SUSD1: variants seen among roughly 807,000 people sequenced by gnomAD.
SUSD1 encodes the protein sushi domain containing 1.
A neutral mutation model predicts 86.9 loss-of-function variants in SUSD1; 65 were observed. The ratio of observed to expected loss-of-function variants is 0.75; its 90% CI spans 0.61 to 0.92. SUSD1 has a LOEUF of 0.92. Ranked by LOEUF, SUSD1 falls within the 40% of genes least tolerant of loss-of-function variation. The pLI is 0.00. For missense variants in SUSD1, 850 were observed against 929.7 expected, an observed-to-expected ratio of 0.91 and a Z score of 1.11; for synonymous variants, 346 against 350.0, an observed-to-expected ratio of 0.99 and a Z score of 0.13.
At chr9:112,049,241 G>A (rs1828086118) in intron 15 of SUSD1, among the ~76,000 whole-genome samples, 4 of 152,108 alleles carry the variant, frequency 2.6e-5, no homozygotes, top group African/African-American at 7.2e-5. Context: ...GAGTAGTCCC[G>A]AATAACTCAG....
At chr9:112,052,177 T>A (rs1828242228) in intron 15 of SUSD1, 1 of 1,475,630 alleles carries the variant, frequency 6.8e-7, no homozygotes, top group Admixed American at 2.4e-5. Flanking sequence ...CCAGTCCCAG[T>A]TCCTGGAGCC....
At chr9:112,077,096 G>A (rs1829550157) in intron 12 of SUSD1, among the ~76,000 whole-genome samples, 1 of 152,142 alleles carries the variant, frequency 6.6e-6, no homozygotes, top group African/African-American at 2.4e-5. Context: ...AAGAAGGTCT[G>A]CTCATTTTTT....
At chr9:112,062,725 A>T (rs78777090) in intron 13 of SUSD1, among the ~76,000 whole-genome samples, 6,875 of 152,110 alleles carry the variant, frequency 0.045, 234 homozygotes, top group Admixed American at 0.089. Flanking sequence ...TTTAAATTTT[A>T]AAAAAAAGAA....
intron 4 of SUSD1, 127 bp downstream of exon 4, chr9:112,143,344 G>T: frequency 1.0e-6 from 1 of 963,184 alleles, no homozygotes; most frequent in Non-Finnish European, 1.5e-6. Flanking sequence ...TTATGTCATA[G>T]GTTGTACAAA....
At chr9:112,055,692 A>G (rs569849082) in intron 14 of SUSD1, among the ~76,000 whole-genome samples, 1 of 152,364 alleles carries the variant, frequency 6.6e-6, no homozygotes, top group Admixed American at 6.5e-5. Flanking sequence ...GGGCTGAAAC[A>G]GATATTTGCA....
chr9:112,096,330 C>T (rs1326594809), intron 10 of SUSD1, among the ~76,000 whole-genome samples: 2 of 152,130 alleles, frequency 1.3e-5, no homozygotes, highest in African/African-American at 4.8e-5. Flanking sequence ...TATGTGCCTG[C>T]CTCAAAACCT....
intron 5 of SUSD1, among the ~76,000 whole-genome samples, chr9:112,135,269 A>G (rs555596346): frequency 1.3e-3 from 193 of 152,280 alleles, no homozygotes; most frequent in South Asian, 4.8e-3. Context: ...TCTTCCATGA[A>G]CTTTATTTAG....
At chr9:112,108,056 T>C (rs1012448076) in intron 8 of SUSD1, among the ~76,000 whole-genome samples, 2 of 152,064 alleles carry the variant, frequency 1.3e-5, no homozygotes, top group Non-Finnish European at 1.5e-5. Flanking sequence ...GTAATAAAAC[T>C]AGAAAACAAC....
rs201097518 is a variant in SUSD1, at chr9:112,141,813, TATATA to T, written c.706+502_706+506del. On this transcript the variant is annotated intron_variant, in intron 5 of 16. Coordinates refer to ENST00000374270, the MANE Select transcript of SUSD1 (RefSeq NM_022486.5). ...CATATATTGTATATATTGTATATTA[TATATA>T]ATATATGTTATTCCCACATGACGTT... Among the ~76,000 whole-genome samples the T allele has an allele frequency of 5.4e-3, 781 of 144,146 alleles. 8 individuals carry two copies. The highest frequency in any genetic ancestry group is 0.018 in the African/African-American group (733 of 39,686). The allele number at this position is 144,146 out of a possible 152,430, so 94.6% of individuals were successfully genotyped here. A position where few individuals can be genotyped will look rare whatever the true frequency, so the allele number is the denominator to read the frequency against.
chr9:112,104,369 A>G (rs911006331), intron 8 of SUSD1, among the ~76,000 whole-genome samples: 8 of 151,946 alleles, frequency 5.3e-5, no homozygotes, highest in Non-Finnish European at 1.0e-4. Flanking sequence ...AAAAAATAGT[A>G]TATATACTAC....
At position 112,058,465 on chromosome 9, in the gene SUSD1, T is replaced by A. The variant is rs202038520; in HGVS notation, c.2072A>T (p.Tyr691Phe). The A allele has an allele frequency of 9.9e-6, 16 of 1,614,050 alleles. No individual in the cohort carries two copies. The highest frequency in any genetic ancestry group is 1.4e-5 in the Non-Finnish European group (16 of 1,180,016). ...YNAPLKRGSDYCIILRITSEW... is the reference protein window; with the variant it reads ...YNAPLKRGSDFCIILRITSEW... The stretch of plus-strand genomic sequence containing the variant: ...ACTTGTGATTCGTAATATAATGCAG[T>A]AATCACTCCCTCTTTTCAAGGGTGC... Residue 691 changes from tyrosine (Y) to phenylalanine (F), a missense_variant, in exon 14 of 17, where the codon TAC becomes TTC. Transcript: ENST00000374270.
intron 1 of SUSD1, among the ~76,000 whole-genome samples, chr9:112,171,003 G>A (rs577039524): frequency 1.3e-5 from 2 of 152,192 alleles, no homozygotes; most frequent in South Asian, 2.1e-4. Context: ...GTGAGCCACC[G>A]CACCCAGCCC....
chr9:112,061,782 C>T (rs1240367425), intron 13 of SUSD1, among the ~76,000 whole-genome samples: 1 of 151,840 alleles, frequency 6.6e-6, no homozygotes, highest in African/African-American at 2.4e-5. Flanking sequence ...TATCGCCAGA[C>T]TTTCTTTTTT....
At chr9:112,089,924 C>A (rs1470931732) in intron 10 of SUSD1, among the ~76,000 whole-genome samples, 9 of 151,904 alleles carry the variant, frequency 5.9e-5, no homozygotes, top group Non-Finnish European at 1.3e-4. Flanking sequence ...ATATTTTAGG[C>A]TTTCCAGGCT....
chr9:112,114,884 G>A (rs1354542307), intron 6 of SUSD1, among the ~76,000 whole-genome samples: 1 of 152,198 alleles, frequency 6.6e-6, no homozygotes, highest in African/African-American at 2.4e-5. Context: ...TAAGGACACT[G>A]TCACACAGAT....
chr9:112,098,698 T>A, intron 9 of SUSD1, 36 bp from the exon 10 acceptor site: 1 of 1,603,990 alleles, frequency 6.2e-7, no homozygotes, highest in Non-Finnish European at 8.5e-7. Flanking sequence ...TACATTAGAT[T>A]TTCCATTGAC....
chr9:112,126,743 A>G (rs1318163158), intron 5 of SUSD1, among the ~76,000 whole-genome samples: 1 of 152,146 alleles, frequency 6.6e-6, no homozygotes, highest in Non-Finnish European at 1.5e-5. Flanking sequence ...CCACCCAGAG[A>G]TAACTCTTCT....
At chr9:112,052,934 G>C (rs922225284) in intron 14 of SUSD1, among the ~76,000 whole-genome samples, 1 of 152,176 alleles carries the variant, frequency 6.6e-6, no homozygotes, top group Non-Finnish European at 1.5e-5. Flanking sequence ...GAACCGGGAA[G>C]AAAGCAACAG....
intron 8 of SUSD1, among the ~76,000 whole-genome samples, chr9:112,110,164 TA>T (rs1254019404): frequency 6.6e-6 from 1 of 151,970 alleles, no homozygotes; most frequent in Admixed American, 6.6e-5. Context: ...GCCTGGCCAA[TA>T]AGGTGAAACT....
Sources: allele counts gnomAD v4.1 joint callset (sites outside exome capture counted in the v4.1 genomes callset), GRCh38; gene constraint gnomAD v4.1.1; transcripts MANE v1.5; gene names NCBI Gene and HGNC (gene_info 2026-07-23, HGNC 2026-07-21).